The following POU2F2 variants were observed in gnomAD, a reference collection of about 807,000 sequenced individuals.
POU2F2 encodes POU domain, class 2, transcription factor 2.
POU2F2 carries 14 observed loss-of-function variants against 63.5 expected under a neutral mutation model. The ratio of observed to expected loss-of-function variants is 0.22; its 90% CI spans 0.15 to 0.34. The LOEUF (loss-of-function observed/expected upper bound fraction) is 0.34, where lower values mean the gene tolerates loss of function less well. Among genes scored for constraint, POU2F2 ranks in the 10% least tolerant of loss-of-function variants. The probability of loss-of-function intolerance (pLI) is 1.00; values close to 1 mark genes in which losing one functional copy is unlikely to be tolerated. For synonymous variants in POU2F2, 306 were observed against 348.6 expected, an observed-to-expected ratio of 0.88 and a Z score of 1.36; for missense variants, 607 against 815.2, an observed-to-expected ratio of 0.74 and a Z score of 3.11.
chr19:42,108,411 C>T (rs916212349), intron 5 of POU2F2, among the ~76,000 whole-genome samples: 8 of 151,884 alleles, frequency 5.3e-5, no homozygotes, highest in African/African-American at 1.5e-4. Flanking sequence ...GGCAACATGA[C>T]GGGGTCTCTA....
chr19:42,096,460 G>A lies in POU2F2; in HGVS notation c.568-217C>T, dbSNP rs1433693759. On this transcript the variant is annotated intron_variant, in intron 7 of 14. Coordinates refer to ENST00000692977, the MANE Select transcript of POU2F2 (RefSeq NM_001394376.1). This position sits in a 1 kb window ranked among gnomAD's most constrained non-coding sequence, Gnocchi z 4.1. Reference sequence around the variant, plus strand: ...AAGGTCCGACTCTGCTGCCCTACATGGGTTTCCTCATTGCCTGGGACTCTC... The same window carrying A: ...AAGGTCCGACTCTGCTGCCCTACATAGGTTTCCTCATTGCCTGGGACTCTC... Among the ~76,000 whole-genome samples the A allele has an allele frequency of 6.6e-6, 1 of 152,212 alleles. No individual in the cohort carries two copies. The highest frequency in any genetic ancestry group is 1.5e-5 in the Non-Finnish European group (1 of 68,030).
intron 2 of POU2F2, among the ~76,000 whole-genome samples, chr19:42,154,837 G>A (rs371738067): frequency 3.3e-5 from 5 of 152,026 alleles, no homozygotes; most frequent in Non-Finnish European, 7.4e-5. Context: ...CTTTTTCCAC[G>A]TTCCTCTGGG....
chr19:42,129,400 C>T (rs904808512), intron 1 of POU2F2, among the ~76,000 whole-genome samples: 3 of 152,162 alleles, frequency 2.0e-5, no homozygotes, highest in Admixed American at 6.5e-5. Context: ...CTCACACTCA[C>T]TTGCCCGACT....
At chr19:42,154,764 A>T (rs946391500) in intron 2 of POU2F2, among the ~76,000 whole-genome samples, 23 of 150,844 alleles carry the variant, frequency 1.5e-4, no homozygotes, top group East Asian at 3.9e-4. Flanking sequence ...GATGTCTCTC[A>T]CACACACACA....
At position 42,093,876 on chromosome 19, in the gene POU2F2, G is replaced by A. The variant is rs200445754; in HGVS notation, c.1217C>T (p.Ala406Val). The A allele has an allele frequency of 6.6e-5, 107 of 1,611,910 alleles. No individual in the cohort carries two copies. The highest frequency in any genetic ancestry group is 8.2e-5 in the Non-Finnish European group (97 of 1,178,392). The change falls in exon 12 of 15, where the codon GCG becomes GTG. Residue 406 changes from alanine (A) to valine (V), a missense_variant. Physicochemically the swap from Ala to Val is moderately conservative, Grantham distance 64. This residue lies in a region of POU2F2 where 270 missense variants were observed against 307.5 expected (regional missense o/e 0.88). Coordinates refer to ENST00000692977, the MANE Select transcript of POU2F2 (RefSeq NM_001394376.1). Reference protein sequence around the residue: ...SPHMVTPQGGAGTLPLSQASS... With the variant: ...SPHMVTPQGGVGTLPLSQASS... ...AGCTTGGGACAACGGTAAGGTCCCCGCGCCCCCTTGGGGTGTGACCTGAGG... is the reference window on the plus strand; with the variant it reads ...AGCTTGGGACAACGGTAAGGTCCCCACGCCCCCTTGGGGTGTGACCTGAGG...
chr19:42,143,801 G>C (rs891665657), intron 2 of POU2F2, among the ~76,000 whole-genome samples: 1 of 152,088 alleles, frequency 6.6e-6, no homozygotes, highest in African/African-American at 2.4e-5. Context: ...GTGTTCCTAA[G>C]GCTCGTCCCC....
chr19:42,163,832 G>C (rs1274408821), intron 1 of POU2F2, among the ~76,000 whole-genome samples: 1 of 152,144 alleles, frequency 6.6e-6, no homozygotes, highest in East Asian at 1.9e-4. Flanking sequence ...ATAAATGATA[G>C]TATAGTGGCC....
intron 1 of POU2F2, among the ~76,000 whole-genome samples, chr19:42,124,777 G>A (rs2033033308): frequency 6.6e-6 from 1 of 152,228 alleles, no homozygotes; most frequent in Non-Finnish European, 1.5e-5. Context: ...CCGAAGCTTG[G>A]AGACATGAGG....
intron 1 of POU2F2, among the ~76,000 whole-genome samples, chr19:42,184,219 T>A (rs1183054237): frequency 2.0e-5 from 3 of 152,124 alleles, no homozygotes; most frequent in Non-Finnish European, 4.4e-5. Flanking sequence ...CTTGAACTCC[T>A]CGGCTTAAGC....
intron 1 of POU2F2, among the ~76,000 whole-genome samples, chr19:42,190,429 A>G (rs2035063437): frequency 6.6e-6 from 1 of 151,938 alleles, no homozygotes; most frequent in African/African-American, 2.4e-5. Context: ...GAGAAGGGTA[A>G]GTGAGAGAGG....
chr19:42,172,189 C>A (rs2034783824), intron 1 of POU2F2, among the ~76,000 whole-genome samples: 2 of 152,184 alleles, frequency 1.3e-5, no homozygotes, highest in Admixed American at 1.3e-4. Flanking sequence ...GACTCACCTC[C>A]CTGTCTAAAC....
intron 5 of POU2F2, among the ~76,000 whole-genome samples, chr19:42,106,821 AAGG>A (rs1174329371): frequency 2.7e-5 from 4 of 147,284 alleles, no homozygotes; most frequent in Non-Finnish European, 6.1e-5. Flanking sequence ...GGAGGAGGAG[AAGG>A]AGGAGGAGGA....
At chr19:42,105,421 G>A (rs1302419180) in intron 5 of POU2F2, among the ~76,000 whole-genome samples, 1 of 152,080 alleles carries the variant, frequency 6.6e-6, no homozygotes, top group Non-Finnish European at 1.5e-5. Flanking sequence ...AATAAGACTA[G>A]AAATCAAGTC....
Position 42,095,656 on chromosome 19 carries a change from G to A in POU2F2, c.909C>T (p.Asn303=), listed in dbSNP as rs770552277. 1.4e-5 allele frequency: 22 copies of A among 1,612,868 alleles called. No homozygotes were observed. Among genetic ancestry groups the A allele is most frequent in the Non-Finnish European group, 1.7e-5 (20 of 1,179,842 alleles). The change falls in exon 10 of 15, where the codon AAC becomes AAT. Residue 303 remains asparagine (N), a synonymous_variant. Coordinates refer to ENST00000692977, the MANE Select transcript of POU2F2 (RefSeq NM_001394376.1). This position sits in a 1 kb window ranked among gnomAD's most constrained non-coding sequence, Gnocchi z 7.1. The part of the protein sequence containing the change: ...MSVDSSLPSP[N]QLSSPSLGFD... Reference sequence around the variant, plus strand: ...AACCCAGGCTGGGGCTGCTCAGCTGGTTGGGGCTGGGCAGGCTTGAGTCCA... The same window carrying A: ...AACCCAGGCTGGGGCTGCTCAGCTGATTGGGGCTGGGCAGGCTTGAGTCCA...
chr19:42,195,322 CTCTT>C (rs938422638), intron 1 of POU2F2, among the ~76,000 whole-genome samples: 7 of 150,008 alleles, frequency 4.7e-5, no homozygotes, highest in South Asian at 2.1e-4. Flanking sequence ...CCTTCCCTCC[CTCTT>C]TTTCTTTTTT....
rs1219653774 is a variant in POU2F2 at position 42,117,471 on chromosome 19, A to G, written c.187-39T>C. ...AGAGGGCACGTGTGTGGCAATGGCA[A>G]TCAGGCTGGCACAGGAGGAGCAGAC... On this transcript the variant is annotated intron_variant, in intron 4 of 14. Transcript: ENST00000692977. The surrounding 1 kb of genome is among the most constrained non-coding windows in gnomAD (Gnocchi z 4.4). The G allele has an allele frequency of 2.4e-6, 2 of 823,370 alleles. No individual in the cohort carries two copies. The highest frequency in any genetic ancestry group is 2.7e-5 in the East Asian group (1 of 36,852). The allele number at this position is 823,370 out of a possible 1,614,324, so 51.0% of individuals were successfully genotyped here.
rs895816055 is a variant in POU2F2, at chr19:42,093,854, T to C, written c.1239A>G (p.Gln413=). 8 of 1,612,036 alleles carry C rather than the reference T, an allele frequency of 5.0e-6. No individual in the cohort carries two copies. Among genetic ancestry groups the C allele is most frequent in the African/African-American group, 2.7e-5 (2 of 74,892 alleles). The change falls in exon 12 of 15, where the codon CAA becomes CAG. Residue 413 remains glutamine, a synonymous_variant. Transcript: ENST00000692977. ...CTGTTGTGCTCAGACTGCTGGAAGC[T>C]TGGGACAACGGTAAGGTCCCCGCGC... is the stretch of plus-strand genomic sequence containing the variant. The part of the protein sequence containing the change: ...QGGAGTLPLS[Q]ASSSLSTTVT...
intron 5 of POU2F2, among the ~76,000 whole-genome samples, chr19:42,100,534 CTG>C (rs1471337298): frequency 6.6e-6 from 1 of 150,776 alleles, no homozygotes; most frequent in African/African-American, 2.4e-5. Context: ...GCGGACACAC[CTG>C]AGGCCAGGCG....
At position 42,164,557 on chromosome 19, in the gene POU2F2, C is replaced by T. The variant is rs370211461; in HGVS notation, c.-69-4165G>A. Among the ~76,000 whole-genome samples the T allele has an allele frequency of 1.3e-4, 19 of 148,246 alleles. No homozygotes were observed. In the South Asian group the frequency reaches 3.0e-3, roughly 24 times the overall value. On this transcript the variant is annotated intron_variant, in intron 1 of 6. Transcript: ENST00000524801. ...TTGCACTTCAGCTCAGGTGACAGTG[C>T]GAGACTCTGTCTCAAAAAAAAAAAA...
Sources: gnomAD v4.1 joint callset for allele counts (sites outside exome capture counted in the v4.1 genomes callset) on GRCh38, gnomAD v4.1.1 for gene constraint, gnomAD v4.1.1 regional missense constraint, Gnocchi (gnomAD v3.1) non-coding constraint, MANE v1.5 for transcripts, NCBI Gene and HGNC (gene_info 2026-07-23, HGNC 2026-07-21) for gene names.